Variants in RABGAP1L observed in about 807,000 individuals in gnomAD.
RABGAP1L encodes the protein rab GTPase-activating protein 1-like.
A neutral mutation model predicts 137.7 loss-of-function variants in RABGAP1L; 63 were observed. That is an observed-to-expected ratio of 0.46 (90% CI 0.37 to 0.56). RABGAP1L has a LOEUF of 0.56. RABGAP1L is among the 20% of genes least tolerant of loss of function. The probability of loss-of-function intolerance (pLI) is 0.00; values close to 1 mark genes in which losing one functional copy is unlikely to be tolerated. For synonymous variants in RABGAP1L, 431 were observed against 433.7 expected (o/e 0.99, Z 0.08); for missense variants, 1,095 against 1,244.0 (o/e 0.88, Z 1.80).
At chr1:174,322,522 T>C (rs1473483335) in intron 11 of RABGAP1L, among the ~76,000 whole-genome samples, 2 of 152,148 alleles carry the variant, frequency 1.3e-5, no homozygotes, top group African/African-American at 2.4e-5. Flanking sequence ...TAAGTTTCTT[T>C]AGAGAGGCTG....
intron 2 of RABGAP1L, among the ~76,000 whole-genome samples, chr1:174,220,266 T>G (rs56338048): frequency 0.29 from 44,694 of 152,056 alleles, 6,988 homozygotes; most frequent in African/African-American, 0.37. Flanking sequence ...AAATATAACC[T>G]TTTAAATGAT....
chr1:174,339,831 T>C (rs1402110781), intron 11 of RABGAP1L, among the ~76,000 whole-genome samples: 2 of 152,108 alleles, frequency 1.3e-5, no homozygotes, highest in Non-Finnish European at 2.9e-5. Flanking sequence ...GATCTCGTAC[T>C]CCTGACCTCA....
chr1:174,164,333 T>C (rs568551937), intron 1 of RABGAP1L, among the ~76,000 whole-genome samples: 1 of 152,144 alleles, frequency 6.6e-6, no homozygotes, highest in Non-Finnish European at 1.5e-5. Flanking sequence ...AGAGTAAGAT[T>C]TATCAAATTA....
intron 11 of RABGAP1L, among the ~76,000 whole-genome samples, chr1:174,366,891 A>T (rs1684678423): frequency 6.6e-6 from 1 of 151,526 alleles, no homozygotes; most frequent in Non-Finnish European, 1.5e-5. Context: ...GTTCTGCCTG[A>T]GCCATTTGTG....
At chr1:174,327,963 A>G (rs1680598174) in intron 11 of RABGAP1L, among the ~76,000 whole-genome samples, 1 of 13,648 alleles carries the variant, frequency 7.3e-5, no homozygotes, top group Admixed American at 8.8e-4. Context: ...GTAAATATAT[A>G]TATATATATA....
At chr1:174,278,415 G>T (rs1027183719) in intron 9 of RABGAP1L, among the ~76,000 whole-genome samples, 198 bp from the exon 10 acceptor site, 8 of 151,984 alleles carry the variant, frequency 5.3e-5, no homozygotes, top group African/African-American at 1.9e-4. Context: ...CAAACACTTA[G>T]GATTATTAGT....
intron 17 of RABGAP1L, among the ~76,000 whole-genome samples, chr1:174,715,897 A>G (rs868058493): frequency 1.3e-5 from 2 of 152,184 alleles, no homozygotes; most frequent in African/African-American, 4.8e-5. Flanking sequence ...TTCCAGCTGC[A>G]CTTTTCAGGC....
At chr1:174,809,974 A>G (rs905390744) in intron 18 of RABGAP1L, among the ~76,000 whole-genome samples, 1 of 152,188 alleles carries the variant, frequency 6.6e-6, no homozygotes, top group African/African-American at 2.4e-5. Context: ...CTGTATGTTT[A>G]TGAGGAAAGA....
At chr1:174,361,915 C>G (rs1684177551) in intron 11 of RABGAP1L, among the ~76,000 whole-genome samples, 1 of 152,066 alleles carries the variant, frequency 6.6e-6, no homozygotes, top group Non-Finnish European at 1.5e-5. Flanking sequence ...ATTACTTTTC[C>G]TGATCCTCTG....
At chr1:174,195,784 C>G (rs1420846169) in intron 1 of RABGAP1L, among the ~76,000 whole-genome samples, 3 of 80,702 alleles carry the variant, frequency 3.7e-5, no homozygotes, top group Non-Finnish European at 5.4e-5. Context: ...TCCTTTCTTT[C>G]TTTTCTTTCT....
chr1:174,400,888 T>A (rs1648496731), intron 13 of RABGAP1L, among the ~76,000 whole-genome samples: 1 of 152,160 alleles, frequency 6.6e-6, no homozygotes. Context: ...ACAATTATAC[T>A]TTATATGGTC....
chr1:174,339,945 T>C (rs1401875394), intron 11 of RABGAP1L, among the ~76,000 whole-genome samples: 2 of 152,212 alleles, frequency 1.3e-5, no homozygotes, highest in Admixed American at 6.5e-5. Flanking sequence ...TTCAACTTTA[T>C]AGTAAATATG....
intron 1 of RABGAP1L, among the ~76,000 whole-genome samples, chr1:174,186,143 T>C (rs1192908551): frequency 1.4e-4 from 18 of 130,590 alleles, no homozygotes; most frequent in African/African-American, 4.6e-4. Context: ...AAATTCCATC[T>C]CAAAAAAAAA....
chr1:174,665,138 G>C (rs190768344), intron 14 of RABGAP1L, among the ~76,000 whole-genome samples: 8 of 152,080 alleles, frequency 5.3e-5, no homozygotes, highest in Non-Finnish European at 1.0e-4. Context: ...TTATAGTTAG[G>C]TTTTATAGTC....
intron 10 of RABGAP1L, 22 bp downstream of exon 10, chr1:174,278,801 C>T (rs771609559): frequency 7.0e-7 from 1 of 1,420,152 alleles, no homozygotes; most frequent in South Asian, 1.7e-5. Context: ...TTGTTCTCTT[C>T]ATATATAGTA....
At chr1:174,539,423 C>T (rs534940261) in intron 13 of RABGAP1L, among the ~76,000 whole-genome samples, 2 of 152,068 alleles carry the variant, frequency 1.3e-5, no homozygotes, top group Non-Finnish European at 2.9e-5. Context: ...GGTATATCTC[C>T]TAATGCTATC....
At chr1:174,884,756 C>T (rs1654806213) in intron 19 of RABGAP1L, among the ~76,000 whole-genome samples, 1 of 152,208 alleles carries the variant, frequency 6.6e-6, no homozygotes, top group South Asian at 2.1e-4. Context: ...CAACCATTCT[C>T]CCTATCTCTT....
chr1:174,827,923 G>A lies in RABGAP1L; in HGVS notation c.2340+15963G>A, dbSNP rs998334894. Among the ~76,000 whole-genome samples, 26 of 148,082 alleles carry A rather than the reference G, an allele frequency of 1.8e-4. 4 individuals carry two copies. The highest frequency in any genetic ancestry group is 8.8e-4 in the Admixed American group (13 of 14,798). ...AGGCAGTGAATTGTGCAAGTAAGTT[G>A]TATCTTTGCACAATGTCCAGTGGTA... On this transcript the variant is annotated intron_variant, in intron 19 of 25. Transcript: ENST00000681986.
chr1:174,844,187 T>C (rs1199129805), intron 19 of RABGAP1L, among the ~76,000 whole-genome samples: 1 of 134,684 alleles, frequency 7.4e-6, no homozygotes, highest in Non-Finnish European at 1.6e-5. Flanking sequence ...CTGTTCACTC[T>C]GATGGTAGTT....
Sources: allele counts gnomAD v4.1 joint callset (sites outside exome capture counted in the v4.1 genomes callset), GRCh38; gene constraint gnomAD v4.1.1; transcripts MANE v1.5; gene names NCBI Gene and HGNC (gene_info 2026-07-23, HGNC 2026-07-21).